Variants in FRMPD4 observed in about 807,000 individuals in gnomAD.
The protein encoded by FRMPD4 is FERM and PDZ domain-containing protein 4.
FRMPD4 carries 22 observed loss-of-function variants against 94.1 expected under a neutral mutation model. The ratio of observed to expected loss-of-function variants is 0.23; its 90% CI spans 0.17 to 0.33. The LOEUF is 0.33. Among genes scored for constraint, FRMPD4 ranks in the 10% least tolerant of loss-of-function variants. FRMPD4 has a pLI of 1.00. For missense variants in FRMPD4, 1,111 were observed against 1,339.9 expected, an observed-to-expected ratio of 0.83 and a Z score of 2.67; for synonymous variants, 631 against 548.6, an observed-to-expected ratio of 1.15 and a Z score of -2.10.
At chrX:12,473,070 CA>C (rs2057537194) in intron 1 of FRMPD4, among the ~76,000 whole-genome samples, 1 of 110,290 alleles carries the variant, frequency 9.1e-6, no homozygotes, top group Admixed American at 9.5e-5. Context: ...AGAGAAAGGT[CA>C]GGTTACCCAC....
chrX:11,953,318 C>G (rs1478642190), intron 3 of FRMPD4, among the ~76,000 whole-genome samples: 1 of 111,168 alleles, frequency 9.0e-6, no homozygotes, highest in Non-Finnish European at 1.9e-5. Flanking sequence ...TTTTTTTTAA[C>G]CCTGCTGTAT....
chrX:12,099,573 C>A, intron 3 of FRMPD4, among the ~76,000 whole-genome samples: 1 of 111,893 alleles, frequency 8.9e-6, no homozygotes, highest in South Asian at 3.7e-4. Context: ...GCAAGACCAG[C>A]TTCTCACTGA....
At chrX:11,897,150 C>CAAAAAAAAAAAAA (rs997285182) in intron 3 of FRMPD4, among the ~76,000 whole-genome samples, 1 of 40,650 alleles carries the variant, frequency 2.5e-5, no homozygotes, top group East Asian at 5.4e-4. Context: ...GGATGAATTA[C>CAAAAAAAAAAAAA]AAAAAAAAAA....
chrX:11,929,431 C>A (rs889496782), intron 3 of FRMPD4, among the ~76,000 whole-genome samples: 1 of 112,142 alleles, frequency 8.9e-6, no homozygotes, highest in African/African-American at 3.2e-5. Context: ...TTAATAATGC[C>A]CCAAGGGTGT....
intron 2 of FRMPD4, among the ~76,000 whole-genome samples, chrX:11,870,043 G>A (rs1022663212): frequency 8.9e-6 from 1 of 111,871 alleles, no homozygotes; most frequent in Non-Finnish European, 1.9e-5. Context: ...ACAAAAAGAA[G>A]TAGAATACAT....
intron 2 of FRMPD4, among the ~76,000 whole-genome samples, chrX:12,561,684 C>T (rs1382764246): frequency 1.8e-5 from 2 of 112,244 alleles, no homozygotes; most frequent in Admixed American, 9.4e-5. Context: ...AATAAGGGAT[C>T]GTTACAATAG....
Position 11,998,303 on chromosome X carries a change from T to TC in FRMPD4, c.95+120288dup, listed in dbSNP as rs201962657. ...GACATGTGGCTCATTGATCTATATA[T>TC]CCCTTTCATGTGTGGACTGAATGAG... On this transcript the variant is annotated intron_variant, in intron 3 of 18. Transcript: ENST00000640291. 2.4e-3 allele frequency among the ~76,000 whole-genome samples: 270 copies of TC among 112,061 alleles called. 1 individual carries two copies. Among genetic ancestry groups the TC allele is most frequent in the African/African-American group, 7.6e-3 (235 of 30,883 alleles).
intron 1 of FRMPD4, among the ~76,000 whole-genome samples, chrX:12,284,361 G>T (rs918748849): frequency 8.9e-6 from 1 of 111,743 alleles, no homozygotes; most frequent in African/African-American, 3.3e-5. Flanking sequence ...GCCCTCTCAA[G>T]CTTCCCAACT....
At chrX:12,693,208 C>A (rs2060094813) in intron 8 of FRMPD4, among the ~76,000 whole-genome samples, 1 of 111,603 alleles carries the variant, frequency 9.0e-6, no homozygotes, top group Admixed American at 9.5e-5. Flanking sequence ...CAGATCTGTC[C>A]CCTGCATAAG....
chrX:12,539,768 C>T (rs759451846), intron 2 of FRMPD4, among the ~76,000 whole-genome samples: 5 of 110,578 alleles, frequency 4.5e-5, no homozygotes, highest in East Asian at 2.9e-4. Context: ...CTAGTAGCTG[C>T]GACTACAGGC....
chrX:11,949,276 C>T (rs1238778781), intron 3 of FRMPD4, among the ~76,000 whole-genome samples: 1 of 112,141 alleles, frequency 8.9e-6, no homozygotes, highest in African/African-American at 3.2e-5. Flanking sequence ...ATGGCCGTTC[C>T]CTTATGAACT....
At chrX:12,482,583 T>C (rs2057699436) in intron 1 of FRMPD4, among the ~76,000 whole-genome samples, 1 of 111,985 alleles carries the variant, frequency 8.9e-6, no homozygotes, top group Non-Finnish European at 1.9e-5. Context: ...GAAGAGCACC[T>C]GACTTTGCCC....
chrX:11,825,038 T>C (rs1341787031), intron 1 of FRMPD4, among the ~76,000 whole-genome samples: 1 of 111,311 alleles, frequency 9.0e-6, no homozygotes, highest in African/African-American at 3.3e-5. Context: ...TCTCATTTTA[T>C]TTTTAGAAAT....
chrX:12,056,411 A>G (rs985980965), intron 3 of FRMPD4, among the ~76,000 whole-genome samples: 7 of 111,947 alleles, frequency 6.3e-5, no homozygotes, highest in Non-Finnish European at 1.3e-4. Flanking sequence ...AAGGTAGGTC[A>G]GATAATTTCT....
At chrX:12,476,151 A>G (rs2057595126) in intron 1 of FRMPD4, among the ~76,000 whole-genome samples, 1 of 111,684 alleles carries the variant, frequency 9.0e-6, no homozygotes, top group Non-Finnish European at 1.9e-5. Context: ...GCCCTCAGAA[A>G]TAATGCCACA....
At chrX:12,384,445 G>A (rs895519051) in intron 1 of FRMPD4, among the ~76,000 whole-genome samples, 2 of 111,701 alleles carry the variant, frequency 1.8e-5, no homozygotes, top group Non-Finnish European at 3.8e-5. Context: ...TTGAGCCCAG[G>A]AGACTGAGGC....
intron 1 of FRMPD4, among the ~76,000 whole-genome samples, chrX:11,830,483 C>T (rs914334915): frequency 2.7e-5 from 3 of 111,441 alleles, no homozygotes; most frequent in Admixed American, 9.5e-5. Context: ...AACATAGTGC[C>T]ATATTTGCTT....
At chrX:12,519,202 T>A (rs988385827) in intron 2 of FRMPD4, among the ~76,000 whole-genome samples, 28 of 112,541 alleles carry the variant, frequency 2.5e-4, no homozygotes, top group Non-Finnish European at 4.9e-4. Context: ...ATTATCCTAA[T>A]TTTTGTATGA....
At chrX:11,841,401 AG>A (rs2053535659) in intron 1 of FRMPD4, among the ~76,000 whole-genome samples, 1 of 109,031 alleles carries the variant, frequency 9.2e-6, no homozygotes, top group Admixed American at 9.8e-5. Flanking sequence ...CATCCTCTCC[AG>A]CACCTGTTGT....
Sources: allele counts gnomAD v4.1 joint callset (sites outside exome capture counted in the v4.1 genomes callset), GRCh38; gene constraint gnomAD v4.1.1; transcripts MANE v1.5; gene names NCBI Gene and HGNC (gene_info 2026-07-23, HGNC 2026-07-21).